Variants in RBFOX1 observed in about 807,000 individuals in gnomAD.
RBFOX1 encodes RNA binding fox-1 homolog 1.
RBFOX1 carries 8 observed loss-of-function variants against 57.7 expected under a neutral mutation model. The observed-to-expected ratio is 0.14, with a 90% confidence interval of 0.08 to 0.25. The LOEUF is 0.25. Among genes scored for constraint, RBFOX1 ranks in the 10% least tolerant of loss-of-function variants. The pLI is 1.00. For synonymous variants in RBFOX1, 326 were observed against 222.4 expected (o/e 1.47, Z -4.15); for missense variants, 611 against 548.5 (o/e 1.11, Z -1.14).
intron 1 of RBFOX1, among the ~76,000 whole-genome samples, chr16:6,314,724 G>A (rs2080855389): frequency 6.6e-6 from 1 of 152,110 alleles, no homozygotes; most frequent in African/African-American, 2.4e-5. Flanking sequence ...ATAAATGAGA[G>A]GATGCATGCA....
chr16:6,977,803 G>A (rs1254629581), intron 3 of RBFOX1, among the ~76,000 whole-genome samples: 1 of 152,062 alleles, frequency 6.6e-6, no homozygotes, highest in African/African-American at 2.4e-5. Context: ...AGTCAGTGTG[G>A]ATTGCAGGCA....
At chr16:5,905,066 T>G (rs1466918349) in intron 4 of RBFOX1, among the ~76,000 whole-genome samples, 1 of 69,968 alleles carries the variant, frequency 1.4e-5, no homozygotes, top group Non-Finnish European at 3.2e-5. Context: ...GACTGGTGCT[T>G]TTTTTTTTTT....
chr16:5,963,263 A>G (rs2059785317), intron 4 of RBFOX1, among the ~76,000 whole-genome samples: 2 of 152,172 alleles, frequency 1.3e-5, no homozygotes, highest in Non-Finnish European at 2.9e-5. Context: ...GCTCCATTAC[A>G]TGACCATTGC....
intron 3 of RBFOX1, among the ~76,000 whole-genome samples, chr16:7,051,511 G>A (rs185690089): frequency 2.0e-5 from 3 of 152,200 alleles, no homozygotes; most frequent in African/African-American, 7.2e-5. Flanking sequence ...GTGATTGAAG[G>A]ATTGGCTTCA....
chr16:7,595,725 C>T (rs1009802472), intron 8 of RBFOX1, 84 bp downstream of exon 8: 7 of 1,081,466 alleles, frequency 6.5e-6, no homozygotes, highest in African/African-American at 1.6e-5. Flanking sequence ...GCATCATTGG[C>T]GTCTTGTATG....
chr16:6,732,363 G>C (rs2068844720), intron 3 of RBFOX1, among the ~76,000 whole-genome samples: 1 of 152,186 alleles, frequency 6.6e-6, no homozygotes, highest in Admixed American at 6.5e-5. Flanking sequence ...GACAGATGCA[G>C]CATTCCTTGC....
At chr16:6,580,305 C>G (rs1245227602) in intron 2 of RBFOX1, among the ~76,000 whole-genome samples, 1 of 152,134 alleles carries the variant, frequency 6.6e-6, no homozygotes, top group Non-Finnish European at 1.5e-5. Context: ...TTTTCCATCA[C>G]AAATTTTTAT....
intron 4 of RBFOX1, among the ~76,000 whole-genome samples, chr16:5,912,947 G>A (rs1014327094): frequency 9.2e-5 from 14 of 152,176 alleles, no homozygotes; most frequent in Non-Finnish European, 5.9e-5. Flanking sequence ...CTGACCTGGT[G>A]GGGTGGCCAG....
chr16:5,903,184 G>A (rs2058351579), intron 4 of RBFOX1, among the ~76,000 whole-genome samples: 1 of 152,120 alleles, frequency 6.6e-6, no homozygotes, highest in Non-Finnish European at 1.5e-5. Flanking sequence ...ACTGGAAAAT[G>A]TAAACCCATG....
intron 4 of RBFOX1, among the ~76,000 whole-genome samples, chr16:7,213,963 C>T (rs2091598774): frequency 6.6e-6 from 1 of 152,054 alleles, no homozygotes; most frequent in South Asian, 2.1e-4. Context: ...TCCATTTGCA[C>T]CGCAGAGCTC....
intron 3 of RBFOX1, among the ~76,000 whole-genome samples, chr16:5,662,783 C>T (rs1279015341): frequency 6.6e-6 from 1 of 152,192 alleles, no homozygotes; most frequent in Non-Finnish European, 1.5e-5. Context: ...ATCGGGTTCA[C>T]TGTTTAGTCC....
chr16:7,555,170 A>G (rs1280444545), intron 5 of RBFOX1, among the ~76,000 whole-genome samples: 2 of 152,194 alleles, frequency 1.3e-5, no homozygotes, highest in African/African-American at 2.4e-5. Context: ...AGATTTAAGT[A>G]CAGAAAGAAA....
rs1486259442 is a variant in RBFOX1, at chr16:6,019,031, T to C, written c.-1088T>C. On this transcript the variant is annotated 5_prime_UTR_variant, in exon 1 of 16. Coordinates refer to ENST00000550418, the MANE Select transcript of RBFOX1 (RefSeq NM_018723.4). This position sits in a 1 kb window ranked among gnomAD's most constrained non-coding sequence, Gnocchi z 4.2. ...GGCGCTCCCTCGCGCACCAGATTATTTTTGGCTCCGCAGCCGGGGCTGCTC... is the reference window on the plus strand; with the variant it reads ...GGCGCTCCCTCGCGCACCAGATTATCTTTGGCTCCGCAGCCGGGGCTGCTC... 1 of 913,998 alleles carries C rather than the reference T, an allele frequency of 1.1e-6. No homozygotes were observed. The highest frequency in any genetic ancestry group is 1.8e-5 in the African/African-American group (1 of 55,174). The allele number at this position is 913,998 out of a possible 1,614,324, so 56.6% of individuals were successfully genotyped here.
At chr16:7,349,958 G>T (rs897760368) in intron 4 of RBFOX1, among the ~76,000 whole-genome samples, 1 of 152,066 alleles carries the variant, frequency 6.6e-6, no homozygotes, top group Non-Finnish European at 1.5e-5. Context: ...ACCAGCCTGG[G>T]CAACATGGTG....
intron 3 of RBFOX1, among the ~76,000 whole-genome samples, chr16:5,857,229 C>T (rs1198493204): frequency 6.6e-6 from 1 of 152,138 alleles, no homozygotes; most frequent in Admixed American, 6.5e-5. Flanking sequence ...ACACACACTA[C>T]ATTTATCAGG....
chr16:7,429,872 C>G (rs1486366150), intron 4 of RBFOX1, among the ~76,000 whole-genome samples: 1 of 152,206 alleles, frequency 6.6e-6, no homozygotes, highest in Non-Finnish European at 1.5e-5. Context: ...GTATTGCACA[C>G]TCTTCTAGAA....
intron 1 of RBFOX1, among the ~76,000 whole-genome samples, chr16:6,146,003 A>C (rs1344742881): frequency 1.3e-5 from 2 of 152,204 alleles, no homozygotes; most frequent in African/African-American, 4.8e-5. Flanking sequence ...GCAAGGTAGC[A>C]GTGTGGAGGT....
intron 2 of RBFOX1, among the ~76,000 whole-genome samples, chr16:5,589,444 G>C (rs943805347): frequency 2.6e-5 from 4 of 152,108 alleles, no homozygotes; most frequent in Admixed American, 6.5e-5. Context: ...TCTCTTTCTA[G>C]AAACACATAA....
At chr16:6,702,421 G>A (rs114642592) in intron 3 of RBFOX1, among the ~76,000 whole-genome samples, 12,058 of 152,212 alleles carry the variant, frequency 0.079, 520 homozygotes, top group African/African-American at 0.096. Context: ...TGGCGTGCTG[G>A]CATATGCCTG....
Sources: allele counts gnomAD v4.1 joint callset (sites outside exome capture counted in the v4.1 genomes callset), GRCh38; gene constraint gnomAD v4.1.1; non-coding constraint Gnocchi (gnomAD v3.1); transcripts MANE v1.5; gene names NCBI Gene and HGNC (gene_info 2026-07-23, HGNC 2026-07-21).